GPHN: variants seen among roughly 807,000 people sequenced by gnomAD.
The protein encoded by GPHN is gephyrin.
A neutral mutation model predicts 95.5 loss-of-function variants in GPHN; 17 were observed. The ratio of observed to expected loss-of-function variants is 0.18; its 90% CI spans 0.12 to 0.27. GPHN has a LOEUF of 0.27. Among genes scored for constraint, GPHN ranks in the 10% least tolerant of loss-of-function variants. The pLI is 1.00. For synonymous variants in GPHN, 320 were observed against 322.5 expected (o/e 0.99, Z 0.08); for missense variants, 660 against 978.1 (o/e 0.67, Z 4.34).
At chr14:67,724,588 C>T in the GPHN span, 125 of 1,611,290 alleles carry the variant, frequency 7.8e-5, no homozygotes, top group African/African-American at 1.3e-4. Context: ...GCTCGCTAGC[C>T]GAGGTAAGTG....
At chr14:66,850,235 A>T (rs543749860) in intron 4 of GPHN, among the ~76,000 whole-genome samples, 7 of 152,300 alleles carry the variant, frequency 4.6e-5, no homozygotes, top group Non-Finnish European at 7.4e-5. Flanking sequence ...CAGTCATTTT[A>T]AAAAATACCA....
chr14:66,822,679 T>C (rs1044424416), intron 3 of GPHN, among the ~76,000 whole-genome samples: 1 of 152,220 alleles, frequency 6.6e-6, no homozygotes, highest in African/African-American at 2.4e-5. Flanking sequence ...TTTACTATGT[T>C]TATTAGCATC....
intron 3 of GPHN, among the ~76,000 whole-genome samples, chr14:66,778,496 A>G (rs187265740): frequency 1.6e-3 from 243 of 152,254 alleles, no homozygotes; most frequent in African/African-American, 5.5e-3. Flanking sequence ...TAATTTTCTA[A>G]CATAATATGT....
At chr14:67,651,349 C>T in the GPHN span, 2 of 1,612,620 alleles carry the variant, frequency 1.2e-6, no homozygotes, top group Admixed American at 3.3e-5. Context: ...TTCACAAGGT[C>T]AAAGTTCTGG....
the GPHN span, among the ~76,000 whole-genome samples, chr14:67,240,368 G>A: frequency 2.0e-4 from 31 of 152,118 alleles, no homozygotes; most frequent in African/African-American, 6.8e-4. Flanking sequence ...ATTGCGAGAT[G>A]GAAAAACACC....
At chr14:67,607,957 G>A in the GPHN span, among the ~76,000 whole-genome samples, 4 of 152,090 alleles carry the variant, frequency 2.6e-5, no homozygotes, top group East Asian at 5.8e-4. Flanking sequence ...TATTCAGAGA[G>A]CTGGTTTGGT....
At chr14:67,301,624 T>C in the GPHN span, among the ~76,000 whole-genome samples, 1 of 152,248 alleles carries the variant, frequency 6.6e-6, no homozygotes, top group Non-Finnish European at 1.5e-5. Context: ...TTGGATTATA[T>C]ATTTTCAGAT....
intron 1 of GPHN, among the ~76,000 whole-genome samples, chr14:66,553,710 G>A (rs1242657251): frequency 6.6e-6 from 1 of 152,118 alleles, no homozygotes; most frequent in African/African-American, 2.4e-5. Context: ...CTGAGTAGCT[G>A]GGACTACAGG....
Position 66,523,212 on chromosome 14 carries a change from A to G in GPHN, c.64+14621A>G, listed in dbSNP as rs976894828. Among the ~76,000 whole-genome samples, 5 of 152,058 alleles carry G rather than the reference A, an allele frequency of 3.3e-5. No individual in the cohort carries two copies. In the South Asian group the frequency reaches 1.0e-3, roughly 32 times the overall value. ...AAATGTCTGTTACTTCCACTGCACA[A>G]TATGTGCAATTTTATTTCATTCAAT... is the stretch of plus-strand genomic sequence containing the variant. On this transcript the variant is annotated intron_variant, in intron 1 of 22. Coordinates refer to ENST00000478722, the MANE Select transcript of GPHN (RefSeq NM_020806.5).
At chr14:67,197,045 C>T in the GPHN span, 1 of 152,182 alleles carries the variant, frequency 6.6e-6, no homozygotes, top group Non-Finnish European at 1.5e-5. Flanking sequence ...CCTCCCACCT[C>T]AACCTCCCAA....
At chr14:67,217,005 G>A in the GPHN span, among the ~76,000 whole-genome samples, 7 of 151,974 alleles carry the variant, frequency 4.6e-5, no homozygotes, top group South Asian at 1.5e-3. Flanking sequence ...GCTAAGAGTG[G>A]GTGTTGAAGT....
chr14:67,336,989 T>G, the GPHN span, among the ~76,000 whole-genome samples: 1 of 152,252 alleles, frequency 6.6e-6, no homozygotes, highest in Non-Finnish European at 1.5e-5. Flanking sequence ...TGCTTAGACT[T>G]AAATTCTGGA....
At chr14:67,273,319 G>C in the GPHN span, among the ~76,000 whole-genome samples, 1 of 143,568 alleles carries the variant, frequency 7.0e-6, no homozygotes, top group African/African-American at 2.6e-5. Flanking sequence ...TCCCCACCCT[G>C]TGTCCAAGTG....
At chr14:67,190,068 A>ATTT in the GPHN span, among the ~76,000 whole-genome samples, 36 of 115,436 alleles carry the variant, frequency 3.1e-4, no homozygotes, top group Admixed American at 1.9e-3. Flanking sequence ...TGCCCAGCTA[A>ATTT]TTTTTTTTTT....
the GPHN span, among the ~76,000 whole-genome samples, chr14:67,255,319 T>G: frequency 6.6e-6 from 1 of 152,340 alleles, no homozygotes; most frequent in South Asian, 2.1e-4. Context: ...TCTTTGAGTT[T>G]GTCATTGTGA....
At chr14:66,994,007 T>C (rs2071606762) in intron 9 of GPHN, among the ~76,000 whole-genome samples, 2 of 152,172 alleles carry the variant, frequency 1.3e-5, no homozygotes, top group Non-Finnish European at 2.9e-5. Context: ...GTAATTTTGC[T>C]ACTTTTCACT....
At chr14:66,671,314 T>A (rs1033014704) in intron 1 of GPHN, among the ~76,000 whole-genome samples, 1 of 152,120 alleles carries the variant, frequency 6.6e-6, no homozygotes, top group Admixed American at 6.5e-5. Flanking sequence ...AGTTGTAGAG[T>A]TAAATAGACT....
Position 67,053,064 on chromosome 14 carries a change from A to G in GPHN, c.1007-5585A>G, listed in dbSNP as rs1433384160. On this transcript the variant is annotated intron_variant, in intron 10 of 22. Coordinates refer to ENST00000478722, the MANE Select transcript of GPHN (RefSeq NM_020806.5). ...GAGAACCAAGAGCAAAAAAGAAAAA[A>G]AAAAGGCCAAAGCTAGCAGAAGACA... Among the ~76,000 whole-genome samples, 4 of 151,806 alleles carry G rather than the reference A, an allele frequency of 2.6e-5. No individual in the cohort carries two copies. In the East Asian group the frequency reaches 7.7e-4, roughly 29 times the overall value.
the GPHN span, among the ~76,000 whole-genome samples, chr14:67,662,129 T>C: frequency 3.0e-4 from 46 of 151,648 alleles, 1 homozygote; most frequent in African/African-American, 1.1e-3. Context: ...GCACTCCAGC[T>C]TGGGCAACAG....
Sources: allele counts gnomAD v4.1 joint callset (sites outside exome capture counted in the v4.1 genomes callset), GRCh38; gene constraint gnomAD v4.1.1; transcripts MANE v1.5; gene names NCBI Gene and HGNC (gene_info 2026-07-23, HGNC 2026-07-21).